The following SPAG16 variants were observed in gnomAD, a reference collection of about 807,000 sequenced individuals.
SPAG16 encodes sperm associated antigen 16, also known as sperm-associated antigen 16 protein.
In SPAG16, 86 loss-of-function variants were observed where a neutral mutation model predicts 80.4. That is an observed-to-expected ratio of 1.07 (90% CI 0.90 to 1.28). SPAG16 has a LOEUF of 1.28. SPAG16 is among the 50% of genes most tolerant of loss of function. SPAG16 has a pLI of 0.00. For missense variants in SPAG16, 870 were observed against 765.3 expected, an observed-to-expected ratio of 1.14 and a Z score of -1.61; for synonymous variants, 294 against 265.9, an observed-to-expected ratio of 1.11 and a Z score of -1.03.
At chr2:213,825,701 CTTTT>C (rs55777958) in intron 10 of SPAG16, among the ~76,000 whole-genome samples, 1,255 of 109,762 alleles carry the variant, frequency 0.011, 10 homozygotes, top group African/African-American at 0.037. Flanking sequence ...TTCTTTCTTT[CTTTT>C]TTTTTTTTTT....
At chr2:213,439,512 G>A (rs761488071) in intron 9 of SPAG16, among the ~76,000 whole-genome samples, 3 of 152,208 alleles carry the variant, frequency 2.0e-5, no homozygotes, top group Non-Finnish European at 4.4e-5. Flanking sequence ...CTGCAGTTAA[G>A]TGGAAAGCAG....
intron 12 of SPAG16, among the ~76,000 whole-genome samples, chr2:214,005,646 C>T (rs1328814517): frequency 1.3e-5 from 2 of 152,142 alleles, no homozygotes; most frequent in East Asian, 1.9e-4. Context: ...GAATAACCAA[C>T]TGAATTTCAT....
At chr2:213,350,237 A>C (rs570885311) in intron 6 of SPAG16, among the ~76,000 whole-genome samples, 1 of 152,142 alleles carries the variant, frequency 6.6e-6, no homozygotes, top group East Asian at 1.9e-4. Context: ...AAAAAATTTC[A>C]TGGGTAGCAG....
At chr2:213,487,030 A>G (rs956679650) in intron 9 of SPAG16, among the ~76,000 whole-genome samples, 10 of 152,076 alleles carry the variant, frequency 6.6e-5, no homozygotes, top group Admixed American at 6.5e-4. Context: ...AGAGAAATAT[A>G]TATATATATT....
chr2:214,040,960 G>A (rs1483677257), intron 13 of SPAG16, among the ~76,000 whole-genome samples: 2 of 151,934 alleles, frequency 1.3e-5, no homozygotes, highest in Admixed American at 1.3e-4. Flanking sequence ...ATTCCTTGGA[G>A]ACTCCAGTTA....
At chr2:213,911,251 T>C in intron 11 of SPAG16, among the ~76,000 whole-genome samples, 1 of 152,164 alleles carries the variant, frequency 6.6e-6, no homozygotes, top group Non-Finnish European at 1.5e-5. Flanking sequence ...GCTCAAGTAA[T>C]CCTCCCACCT....
chr2:214,177,736 T>G (rs973118588), intron 15 of SPAG16, among the ~76,000 whole-genome samples: 2 of 149,976 alleles, frequency 1.3e-5, no homozygotes, highest in Non-Finnish European at 3.0e-5. Flanking sequence ...TGCTGAGTAT[T>G]TATAGTACCT....
intron 10 of SPAG16, among the ~76,000 whole-genome samples, chr2:213,660,404 G>T (rs978688671): frequency 2.0e-5 from 3 of 151,966 alleles, no homozygotes; most frequent in Admixed American, 1.3e-4. Context: ...ACATATGTAT[G>T]TATGTATGTA....
At chr2:214,338,089 T>A (rs1408188716) in intron 15 of SPAG16, among the ~76,000 whole-genome samples, 1 of 152,226 alleles carries the variant, frequency 6.6e-6, no homozygotes. Context: ...CAAAGTTAGC[T>A]AATTCTATTT....
intron 15 of SPAG16, among the ~76,000 whole-genome samples, chr2:214,200,715 A>G (rs546304585): frequency 6.6e-6 from 1 of 152,290 alleles, no homozygotes; most frequent in East Asian, 1.9e-4. Context: ...GTTTATAAAA[A>G]TTGTAATCTG....
intron 7 of SPAG16, among the ~76,000 whole-genome samples, chr2:213,354,063 G>C (rs937209848): frequency 1.3e-5 from 2 of 152,148 alleles, no homozygotes; most frequent in African/African-American, 4.8e-5. Flanking sequence ...AGGCCCTGGT[G>C]TGTGACGCTC....
rs537355391 is a variant in SPAG16 at position 214,124,200 on chromosome 2, A to G, written c.1593+15939A>G. On this transcript the variant is annotated intron_variant, in intron 14 of 15. Coordinates refer to ENST00000331683, the MANE Select transcript of SPAG16 (RefSeq NM_024532.5). ...TAAATTTTATTTTGAAATTTAATAT[A>G]CTTTGCAGACTCCCCATGATTGTTT... Among the ~76,000 whole-genome samples, 11 of 152,206 alleles carry G rather than the reference A, an allele frequency of 7.2e-5. 1 individual carries two copies. In the South Asian group the frequency reaches 2.3e-3, roughly 32 times the overall value.
chr2:213,784,674 T>C (rs1050272214), intron 10 of SPAG16, among the ~76,000 whole-genome samples: 2 of 138,388 alleles, frequency 1.4e-5, no homozygotes, highest in Non-Finnish European at 3.1e-5. Flanking sequence ...AGCTCCGTGA[T>C]AGAACTATAT....
At chr2:213,760,549 T>TAA (rs568676032) in intron 10 of SPAG16, among the ~76,000 whole-genome samples, 2 of 147,722 alleles carry the variant, frequency 1.4e-5, no homozygotes, top group South Asian at 4.3e-4. Flanking sequence ...TGCAATACAT[T>TAA]AAAAAAAAAA....
rs370873332 is a variant in SPAG16 at position 213,566,817 on chromosome 2, A to T, written c.1070+76727A>T. Among the ~76,000 whole-genome samples the T allele has an allele frequency of 1.2e-4, 18 of 152,166 alleles. No homozygotes were observed. In the East Asian group the frequency reaches 1.3e-3, roughly 11 times the overall value. ...GAAAATATTCAGCTCGCCTTTCCTGATTTAGTTGCCAGATTATATTGATAT... is the reference window on the plus strand; with the variant it reads ...GAAAATATTCAGCTCGCCTTTCCTGTTTTAGTTGCCAGATTATATTGATAT... On this transcript the variant is annotated intron_variant, in intron 10 of 15. Coordinates refer to ENST00000331683, the MANE Select transcript of SPAG16 (RefSeq NM_024532.5).
intron 10 of SPAG16, among the ~76,000 whole-genome samples, chr2:213,535,782 T>C (rs1029325555): frequency 2.6e-5 from 4 of 152,146 alleles, no homozygotes; most frequent in African/African-American, 9.7e-5. Flanking sequence ...GGCTAACAAA[T>C]GACTACATTC....
intron 9 of SPAG16, among the ~76,000 whole-genome samples, chr2:213,468,525 TTATA>T (rs1456570701): frequency 7.4e-6 from 1 of 134,440 alleles, no homozygotes; most frequent in Admixed American, 7.4e-5. Flanking sequence ...ATCTATGTAT[TTATA>T]TATAGATATA....
chr2:213,362,832 G>T (rs1047850959), intron 7 of SPAG16, among the ~76,000 whole-genome samples: 1 of 152,176 alleles, frequency 6.6e-6, no homozygotes, highest in Non-Finnish European at 1.5e-5. Context: ...GCATGGTTCT[G>T]CAGGCTGTAG....
intron 10 of SPAG16, among the ~76,000 whole-genome samples, chr2:213,854,491 A>C (rs1047331687): frequency 2.6e-5 from 4 of 152,244 alleles, no homozygotes; most frequent in Non-Finnish European, 5.9e-5. Flanking sequence ...CAACATAATC[A>C]GCTAGTAATT....
Sources: gnomAD v4.1 joint callset for allele counts (sites outside exome capture counted in the v4.1 genomes callset) on GRCh38, gnomAD v4.1.1 for gene constraint, MANE v1.5 for transcripts, NCBI Gene and HGNC (gene_info 2026-07-23, HGNC 2026-07-21) for gene names.